The following FGL1 variants were observed in gnomAD, a reference collection of about 807,000 sequenced individuals.
FGL1 encodes the protein fibrinogen-like protein 1.
A neutral mutation model predicts 43.7 loss-of-function variants in FGL1; 59 were observed. The ratio of observed to expected loss-of-function variants is 1.35; its 90% CI spans 1.10 to 1.68. FGL1 has a LOEUF of 1.68. FGL1 is among the 40% of genes most tolerant of loss of function. The pLI is 0.00. For missense variants in FGL1, 596 were observed against 373.0 expected, an observed-to-expected ratio of 1.60 and a Z score of -4.92; for synonymous variants, 192 against 126.5, an observed-to-expected ratio of 1.52 and a Z score of -3.48.
At chr8:17,882,386 C>G in intron 2 of FGL1, 1 of 451,970 alleles carries the variant, frequency 2.2e-6, no homozygotes, top group Non-Finnish European at 3.9e-6. Context: ...AACTCCTGGA[C>G]TCAAAAGATC....
At chr8:17,890,927 T>A (rs2053695461) in intron 1 of FGL1, among the ~76,000 whole-genome samples, 1 of 151,972 alleles carries the variant, frequency 6.6e-6, no homozygotes, top group South Asian at 2.1e-4. Flanking sequence ...ACATGTGGGA[T>A]TACGAGAACT....
In FGL1 at chr8:17,874,498, C is replaced by G; in HGVS notation, c.268G>C (p.Gly90Arg). ...YADCSEIFND[G>R]YKLSGFYKIK... ...TTGTAAAATCCACTGAGCTTATACC[C>G]ATCATTGAAAATCTCTGAACAATCT... The change falls in exon 4 of 8, where the codon GGG becomes CGG. Residue 90 changes from glycine to arginine, a missense_variant. Gly to Arg is a moderately radical substitution (Grantham distance 125, BLOSUM62 -2). Coordinates refer to ENST00000427924, the MANE Select transcript of FGL1 (RefSeq NM_004467.4). The G allele has an allele frequency of 6.2e-7, 1 of 1,607,378 alleles. No homozygotes were observed. The highest frequency in any genetic ancestry group is 8.5e-7 in the Non-Finnish European group (1 of 1,177,178).
At chr8:17,882,445 T>C in intron 2 of FGL1, 1 of 280,972 alleles carries the variant, frequency 3.6e-6, no homozygotes, top group East Asian at 7.9e-5. Flanking sequence ...TTTATAGTTG[T>C]CTCCTTTGAT....
intron 5 of FGL1, among the ~76,000 whole-genome samples, chr8:17,870,631 T>C (rs1371450716): frequency 6.6e-6 from 1 of 152,150 alleles, no homozygotes; most frequent in Non-Finnish European, 1.5e-5. Flanking sequence ...TTGGATCCAC[T>C]TGTGGACATC....
chr8:17,885,546 C>A lies in FGL1; in HGVS notation c.9G>T (p.Lys3Asn), dbSNP rs376327490. Residue 3 changes from lysine to asparagine, a missense_variant, in exon 2 of 8, where the codon AAG (lysine) becomes AAT (asparagine). By Grantham distance (94) the Lys-to-Asn change is moderately conservative (BLOSUM62 0). Coordinates refer to ENST00000427924, the MANE Select transcript of FGL1 (RefSeq NM_004467.4). Reference sequence around the variant, plus strand: ...TGGTAACAAGGATGAAACTGAACACCTTTGCCATGTTCCCCCTTGAAAAAA... The same window carrying A: ...TGGTAACAAGGATGAAACTGAACACATTTGCCATGTTCCCCCTTGAAAAAA... MA[K>N]VFSFILVTTA... is the part of the protein sequence containing the mutation. The A allele has an allele frequency of 6.2e-7, 1 of 1,613,638 alleles. No homozygotes were observed. The highest frequency in any genetic ancestry group is 8.5e-7 in the Non-Finnish European group (1 of 1,179,780).
intron 1 of FGL1, among the ~76,000 whole-genome samples, chr8:17,889,150 C>A: frequency 6.6e-6 from 1 of 152,250 alleles, no homozygotes; most frequent in Non-Finnish European, 1.5e-5. Flanking sequence ...AAGGGCCCAT[C>A]ATCAAGGGGA....
rs866770899 is a variant in FGL1 at position 17,882,061 on chromosome 8, T to C, written c.182A>G (p.Gln61Arg). 3 of 1,614,062 alleles carry C rather than the reference T, an allele frequency of 1.9e-6. No homozygotes were observed. The highest frequency in any genetic ancestry group is 2.7e-5 in the African/African-American group (2 of 75,030). Residue 61 changes from glutamine (Q) to arginine (R), a missense_variant, in exon 3 of 8, where the codon CAG (glutamine) becomes CGG (arginine). Gln to Arg is a conservative substitution (Grantham distance 43, BLOSUM62 1). Transcript: ENST00000427924. ...ATTCTCATCTCCTTTATCAAGGAAC[T>C]GGACTTCATTCTCCTGCAAAAGCTG... ...IKQLLQENEV[Q>R]FLDKGDENTV...
In FGL1 at chr8:17,868,574, T is replaced by A; in HGVS notation, c.753A>T (p.Glu251Asp). The change falls in exon 7 of 8, where the codon GAA becomes GAT. Residue 251 changes from glutamate (E) to aspartate (D), a missense_variant. By Grantham distance (45) the Glu-to-Asp change is conservative (BLOSUM62 2). Coordinates refer to ENST00000427924, the MANE Select transcript of FGL1 (RefSeq NM_004467.4). ...TGTTAAACCACCAGCCAGACTGATCTTCTTCTGCGCAGTTCCCTTCATAGT... is the reference window on the plus strand; with the variant it reads ...TGTTAAACCACCAGCCAGACTGATCATCTTCTGCGCAGTTCCCTTCATAGT... Reference protein sequence around the residue: ...HDNYEGNCAEEDQSGWWFNRC... With the variant: ...HDNYEGNCAEDDQSGWWFNRC... The A allele has an allele frequency of 1.2e-6, 2 of 1,612,706 alleles. No homozygotes were observed.
chr8:17,864,829 C>T, intron 7 of FGL1, 78 bp from the exon 8 acceptor site: 4 of 1,216,082 alleles, frequency 3.3e-6, no homozygotes, highest in Non-Finnish European at 4.2e-6. Context: ...TATTTTGCTA[C>T]AAATGCTCAA....
chr8:17,872,318 T>C (rs2053375780), intron 5 of FGL1, among the ~76,000 whole-genome samples: 1 of 151,266 alleles, frequency 6.6e-6, no homozygotes, highest in Non-Finnish European at 1.5e-5. Flanking sequence ...ATTATTATTA[T>C]TTGAGACAGA....
At chr8:17,888,375 A>T (rs1455722934) in intron 1 of FGL1, among the ~76,000 whole-genome samples, 1 of 152,176 alleles carries the variant, frequency 6.6e-6, no homozygotes, top group South Asian at 2.1e-4. Context: ...GGTCACATTT[A>T]TTATTGTCAT....
chr8:17,874,706 C>G (rs1466974413), intron 3 of FGL1, 185 bp from the exon 4 acceptor site: 2 of 400,622 alleles, frequency 5.0e-6, no homozygotes, highest in Non-Finnish European at 8.7e-6. Flanking sequence ...ATTTCCTTTG[C>G]TAAAATTTGC....
At chr8:17,882,666 C>G (rs1585142990) in intron 2 of FGL1, 1 of 126,634 alleles carries the variant, frequency 7.9e-6, no homozygotes, top group Non-Finnish European at 1.6e-5. Flanking sequence ...GAATGGCTGT[C>G]TGGTATAAAT....
intron 1 of FGL1, among the ~76,000 whole-genome samples, chr8:17,889,717 G>T (rs2053678995): frequency 6.6e-6 from 1 of 152,196 alleles, no homozygotes; most frequent in Non-Finnish European, 1.5e-5. Flanking sequence ...CAAATCTCCT[G>T]AACCTCTTTC....
rs553890212 is a variant in FGL1 at position 17,894,429 on chromosome 8, A to G, written c.-18+1018T>C. Among the ~76,000 whole-genome samples the G allele has an allele frequency of 6.8e-5, 10 of 147,140 alleles. 1 individual carries two copies. Among genetic ancestry groups the G allele is most frequent in the Admixed American group, 6.7e-4 (10 of 14,980 alleles). ...TTTTTCCTCTTTCTGAAAATGGAAT[A>G]TAACTGTGCTTTTGTATTTTTCTTA... On this transcript the variant is annotated intron_variant, in intron 1 of 7. Transcript: ENST00000427924.
At chr8:17,872,688 T>G (rs1055167226) in intron 5 of FGL1, among the ~76,000 whole-genome samples, 14 of 152,274 alleles carry the variant, frequency 9.2e-5, no homozygotes, top group African/African-American at 1.4e-4. Flanking sequence ...AGGATCAGAC[T>G]TGAGTGGGAC....
intron 1 of FGL1, among the ~76,000 whole-genome samples, chr8:17,885,992 G>T (rs1275270801): frequency 2.6e-5 from 4 of 152,190 alleles, no homozygotes; most frequent in Non-Finnish European, 5.9e-5. Flanking sequence ...GGGCTTGAGT[G>T]ATCCTCCCGC....
intron 3 of FGL1, among the ~76,000 whole-genome samples, chr8:17,880,812 C>T (rs924628210): frequency 4.6e-5 from 7 of 152,166 alleles, no homozygotes; most frequent in Admixed American, 1.3e-4. Context: ...TTCAAGTGAA[C>T]AGTTTTCCAT....
intron 3 of FGL1, among the ~76,000 whole-genome samples, chr8:17,878,122 A>AT (rs983589513): frequency 9.4e-5 from 14 of 148,956 alleles, no homozygotes; most frequent in Admixed American, 4.0e-4. Context: ...AAGCCTGGCA[A>AT]TTTTTTTTTT....
Sources: gnomAD v4.1 joint callset for allele counts (sites outside exome capture counted in the v4.1 genomes callset) on GRCh38, gnomAD v4.1.1 for gene constraint, MANE v1.5 for transcripts, NCBI Gene and HGNC (gene_info 2026-07-23, HGNC 2026-07-21) for gene names.